The following MYO7B variants were observed in gnomAD, a reference collection of about 807,000 sequenced individuals.
The protein encoded by MYO7B is myosin VIIB, also known as unconventional myosin-VIIb.
A neutral mutation model predicts 259.7 loss-of-function variants in MYO7B; 212 were observed. The observed-to-expected ratio is 0.82, with a 90% CI of 0.73 to 0.91. The LOEUF (loss-of-function observed/expected upper bound fraction) is 0.91, where lower values mean the gene tolerates loss of function less well. MYO7B is among the 40% of genes least tolerant of loss of function. The pLI, the probability that MYO7B is intolerant of heterozygous loss-of-function variation, is 0.00. For synonymous variants in MYO7B, 1,197 were observed against 1,166.4 expected (o/e 1.03, Z -0.54); for missense variants, 2,732 against 2,813.5 (o/e 0.97, Z 0.66).
At chr2:127,569,264 C>T (rs1678485850) in intron 5 of MYO7B, among the ~76,000 whole-genome samples, 1 of 150,286 alleles carries the variant, frequency 6.7e-6, no homozygotes. Context: ...CTGGGATTTG[C>T]TTTAAAATAG....
chr2:127,550,908 A>G (rs2104819657), intron 1 of MYO7B, among the ~76,000 whole-genome samples: 1 of 152,322 alleles, frequency 6.6e-6, no homozygotes, highest in African/African-American at 2.4e-5. Context: ...CTGCATAACA[A>G]GTTATCCCAA....
intron 38 of MYO7B, 107 bp from the exon 39 acceptor site, chr2:127,632,139 C>A: frequency 2.3e-6 from 3 of 1,318,148 alleles, no homozygotes; most frequent in Non-Finnish European, 3.1e-6. Context: ...CCCCCTCGGG[C>A]CCTCTAGACC....
chr2:127,582,667 A>G (rs1444048231), intron 12 of MYO7B, among the ~76,000 whole-genome samples: 1 of 152,180 alleles, frequency 6.6e-6, no homozygotes, highest in Non-Finnish European at 1.5e-5. Context: ...AGGCCCCGGC[A>G]TTTGTCACCC....
intron 1 of MYO7B, among the ~76,000 whole-genome samples, chr2:127,548,705 C>T (rs1356714864): frequency 3.9e-5 from 6 of 152,136 alleles, no homozygotes; most frequent in East Asian, 3.8e-4. Flanking sequence ...TGAGCTACCA[C>T]GCCCGGCCTC....
chr2:127,605,839 T>C lies in MYO7B; in HGVS notation c.2340-5T>C. The C allele has an allele frequency of 6.2e-7, 1 of 1,613,280 alleles. No homozygotes were observed. The highest frequency in any genetic ancestry group is 2.2e-5 in the East Asian group (1 of 44,876). ...ACATGTGTGTGGCTTGCATTGCCCT[T>C]CTAGGAAGGAGTTCCTGAGGCAGAG... On this transcript the variant is annotated splice_region_variant and splice_polypyrimidine_tract_variant and intron_variant, in intron 19 of 47. Transcript: ENST00000409816.
intron 9 of MYO7B, 72 bp downstream of exon 9, chr2:127,578,358 C>G: frequency 6.4e-7 from 1 of 1,572,138 alleles, no homozygotes; most frequent in East Asian, 2.3e-5. Context: ...GAAGGCATCT[C>G]TAGGGGTTCT....
In MYO7B at chr2:127,536,678, G is replaced by A. The variant is rs538392814; in HGVS notation, c.-24+847G>A. ...CCAGATCCCCCAAATTCTCCATGAC[G>A]AGGCCTCCCCTTCAGGCTCCACTTT... is the stretch of plus-strand genomic sequence containing the variant. On this transcript the variant is annotated intron_variant, in intron 1 of 47. Transcript: ENST00000409816. 2.2e-4 allele frequency among the ~76,000 whole-genome samples: 33 copies of A among 152,320 alleles called. No homozygotes were observed. The East Asian group carries it at 5.4e-3, about 25-fold the overall frequency.
chr2:127,544,575 ATTTTTTT>A (rs35578661), intron 1 of MYO7B, among the ~76,000 whole-genome samples: 2 of 103,150 alleles, frequency 1.9e-5, no homozygotes, highest in African/African-American at 3.9e-5. Context: ...CGTCTGGCTA[ATTTTTTT>A]TTTTTTTTTT....
chr2:127,536,677 C>T lies in MYO7B; in HGVS notation c.-24+846C>T, dbSNP rs567050100. Among the ~76,000 whole-genome samples, 222 of 152,316 alleles carry T rather than the reference C, an allele frequency of 1.5e-3. 1 individual carries two copies. The highest frequency in any genetic ancestry group is 4.9e-3 in the African/African-American group (203 of 41,572). On this transcript the variant is annotated intron_variant, in intron 1 of 47. Transcript: ENST00000409816. ...CCCAGATCCCCCAAATTCTCCATGACGAGGCCTCCCCTTCAGGCTCCACTT... is the reference window on the plus strand; with the variant it reads ...CCCAGATCCCCCAAATTCTCCATGATGAGGCCTCCCCTTCAGGCTCCACTT...
chr2:127,567,793 C>T (rs1252882985), intron 5 of MYO7B, among the ~76,000 whole-genome samples: 1 of 152,138 alleles, frequency 6.6e-6, no homozygotes, highest in Admixed American at 6.5e-5. Flanking sequence ...CCTCAGGGAG[C>T]TTATATTCTA....
rs1212015025 is a variant in MYO7B, at chr2:127,636,951, G to A, written c.6327+38G>A. 4.4e-6 allele frequency: 7 copies of A among 1,604,756 alleles called. No individual in the cohort carries two copies. Among genetic ancestry groups the A allele is most frequent in the African/African-American group, 4.0e-5 (3 of 74,910 alleles). On this transcript the variant is annotated intron_variant, in intron 47 of 47. Transcript: ENST00000409816. The surrounding 1 kb of genome is among the most constrained non-coding windows in gnomAD (Gnocchi z 4.5). Reference sequence around the variant, plus strand: ...TCTTTCTCCCATCCAAGATGCATAGGACAGAGCTGCTGGAGACTGGGTTCC... The same window carrying A: ...TCTTTCTCCCATCCAAGATGCATAGAACAGAGCTGCTGGAGACTGGGTTCC...
At position 127,559,495 on chromosome 2, in the gene MYO7B, G is replaced by A. The variant is rs1677978863; in HGVS notation, c.-23-205G>A. Among the ~76,000 whole-genome samples, 1 of 152,212 alleles carries A rather than the reference G, an allele frequency of 6.6e-6. No individual in the cohort carries two copies. The highest frequency in any genetic ancestry group is 1.5e-5 in the Non-Finnish European group (1 of 68,032). On this transcript the variant is annotated intron_variant, in intron 1 of 47. Transcript: ENST00000409816. This position sits in a 1 kb window ranked among gnomAD's most constrained non-coding sequence, Gnocchi z 4.1. ...TATGAAATACGTCTTCAATAAAGGT[G>A]ACATAGGATGAAGAAGCTGAGAACA... is the stretch of plus-strand genomic sequence containing the variant.
intron 1 of MYO7B, among the ~76,000 whole-genome samples, chr2:127,542,989 G>A (rs1427947695): frequency 6.6e-6 from 1 of 152,228 alleles, no homozygotes; most frequent in East Asian, 1.9e-4. Flanking sequence ...TCCTATCTCA[G>A]TAAATAGAAC....
At position 127,546,312 on chromosome 2, in the gene MYO7B, A is replaced by G. The variant is rs1693226472; in HGVS notation, c.-24+10481A>G. On this transcript the variant is annotated intron_variant, in intron 1 of 47. Coordinates refer to ENST00000409816, the MANE Select transcript of MYO7B (RefSeq NM_001393586.1). The surrounding 1 kb of genome is among the most constrained non-coding windows in gnomAD (Gnocchi z 4.2). ...CAGCACAGGGTTGCTGTGGGGCTCA[A>G]ATGAGAGAACCTGTGGAAAGTGCCC... Among the ~76,000 whole-genome samples the G allele has an allele frequency of 6.6e-6, 1 of 152,152 alleles. No individual in the cohort carries two copies. The highest frequency in any genetic ancestry group is 2.4e-5 in the African/African-American group (1 of 41,424).
At chr2:127,552,469 C>T (rs961165049) in intron 1 of MYO7B, among the ~76,000 whole-genome samples, 1 of 152,132 alleles carries the variant, frequency 6.6e-6, no homozygotes, top group African/African-American at 2.4e-5. Context: ...GAGGCCACAG[C>T]TTCTGAAGCG....
Position 127,584,412 on chromosome 2 carries a change from G to A in MYO7B, c.1554+80G>A, listed in dbSNP as rs990844292. 8.9e-6 allele frequency: 13 copies of A among 1,457,724 alleles called. No individual in the cohort carries two copies. Among genetic ancestry groups the A allele is most frequent in the Non-Finnish European group, 1.0e-5 (11 of 1,055,056 alleles). The allele number at this position is 1,457,724 out of a possible 1,614,324, so 90.3% of individuals were successfully genotyped here. On this transcript the variant is annotated intron_variant, in intron 13 of 47. Coordinates refer to ENST00000409816, the MANE Select transcript of MYO7B (RefSeq NM_001393586.1). The surrounding 1 kb of genome is among the most constrained non-coding windows in gnomAD (Gnocchi z 5.8). ...TTGGAGGCTGGGAAACTCCATTTGG[G>A]TGGGCCACTTGTTCTGAGAGTCACT...
intron 5 of MYO7B, among the ~76,000 whole-genome samples, chr2:127,567,662 G>GATTCATTCATTCATTC (rs111424295): frequency 2.6e-5 from 4 of 152,022 alleles, no homozygotes; most frequent in Non-Finnish European, 4.4e-5. Flanking sequence ...CCACCTGGGG[G>GATTCATTCATTCATTC]ATTCATTCAT....
intron 1 of MYO7B, among the ~76,000 whole-genome samples, chr2:127,549,911 A>G (rs1374243487): frequency 6.6e-6 from 1 of 152,224 alleles, no homozygotes; most frequent in African/African-American, 2.4e-5. Context: ...TCAAACTGCA[A>G]AAAGGCAGAG....
rs753818080 is a variant in MYO7B, at chr2:127,631,676, A to G, written c.5172A>G (p.Thr1724=). 2.5e-6 allele frequency: 4 copies of G among 1,612,970 alleles called. No individual in the cohort carries two copies. Among genetic ancestry groups the G allele is most frequent in the Non-Finnish European group, 3.4e-6 (4 of 1,179,838 alleles). Reference sequence around the variant, plus strand: ...TGGAGCTCACCGACCAGATCTTCACACTGGCCCTGCAGCACCCGGCCCTCC... The same window carrying G: ...TGGAGCTCACCGACCAGATCTTCACGCTGGCCCTGCAGCACCCGGCCCTCC... ...PTLELTDQIF[T]LALQHPALQD... The change falls in exon 38 of 48, where the codon ACA becomes ACG. Residue 1724 remains threonine (T), a synonymous_variant. Transcript: ENST00000409816.
Sources: allele counts gnomAD v4.1 joint callset (sites outside exome capture counted in the v4.1 genomes callset), GRCh38; gene constraint gnomAD v4.1.1; non-coding constraint Gnocchi (gnomAD v3.1); transcripts MANE v1.5; gene names NCBI Gene and HGNC (gene_info 2026-07-23, HGNC 2026-07-21).